Variants in CCNB1IP1 observed in about 807,000 individuals in gnomAD.
CCNB1IP1 encodes the protein E3 ubiquitin-protein ligase CCNB1IP1.
In CCNB1IP1, 14 loss-of-function variants were observed where a neutral mutation model predicts 25.6. The ratio of observed to expected loss-of-function variants is 0.55; its 90% CI spans 0.36 to 0.85. CCNB1IP1 has a LOEUF of 0.85. Ranked by LOEUF, CCNB1IP1 falls within the 40% of genes least tolerant of loss-of-function variation. The pLI is 0.01. For missense variants in CCNB1IP1, 278 were observed against 342.4 expected, an observed-to-expected ratio of 0.81 and a Z score of 1.48; for synonymous variants, 119 against 116.1, an observed-to-expected ratio of 1.02 and a Z score of -0.16.
chr14:20,323,917 C>CAAAAAAA (rs59156707), intron 4 of CCNB1IP1, among the ~76,000 whole-genome samples: 2 of 73,710 alleles, frequency 2.7e-5, no homozygotes, highest in Non-Finnish European at 2.5e-5. Context: ...GACTCCGTCT[C>CAAAAAAA]AAAAAAAAAA....
chr14:20,311,598 T>C lies in CCNB1IP1; in HGVS notation c.786A>G (p.Leu262=), dbSNP rs149452999. 2.0e-5 allele frequency: 32 copies of C among 1,613,992 alleles called. No individual in the cohort carries two copies. In the African/African-American group the frequency reaches 2.3e-4, roughly 11 times the overall value. Residue 262 remains leucine, a synonymous_variant, in exon 7 of 7, where the codon TTA becomes TTG. Transcript: ENST00000358932. ...FFSFVSPSRE[L]EQQQVSSRAF... is the part of the protein sequence containing the mutation. ...CCCTGCTAGAAACTTGCTGCTGCTCTAATTCACGACTTGGAGAGACAAAAC... is the reference window on the plus strand; with the variant it reads ...CCCTGCTAGAAACTTGCTGCTGCTCCAATTCACGACTTGGAGAGACAAAAC...
chr14:20,316,886 G>A (rs1413418329), intron 4 of CCNB1IP1, among the ~76,000 whole-genome samples: 2 of 152,132 alleles, frequency 1.3e-5, no homozygotes, highest in African/African-American at 4.8e-5. Flanking sequence ...GGCAGGCGGG[G>A]TCCCTTCAGG....
At chr14:20,318,247 GCA>G (rs1882781171) in intron 4 of CCNB1IP1, 2 of 152,246 alleles carry the variant, frequency 1.3e-5, no homozygotes, top group South Asian at 4.1e-4. Context: ...GCTGAGGCGG[GCA>G]AATCACCTGA....
intron 5 of CCNB1IP1, among the ~76,000 whole-genome samples, chr14:20,315,046 G>T (rs762226347): frequency 7.4e-6 from 1 of 135,948 alleles, no homozygotes; most frequent in Non-Finnish European, 1.5e-5. Flanking sequence ...AGCTGAGATC[G>T]CGCCACTGCA....
At chr14:20,315,657 C>T (rs1227308013) in intron 5 of CCNB1IP1, 19 of 1,270,922 alleles carry the variant, frequency 1.5e-5, no homozygotes, top group Non-Finnish European at 1.9e-5. Flanking sequence ...GTTAAGGATG[C>T]GTATTTGATA....
chr14:20,318,501 A>G (rs1882791100), intron 4 of CCNB1IP1: 1 of 152,034 alleles, frequency 6.6e-6, no homozygotes, highest in South Asian at 2.1e-4. Context: ...TATTTAATTA[A>G]TTGATAGTAT....
intron 5 of CCNB1IP1, chr14:20,315,814 C>T (rs895554673): frequency 9.7e-6 from 12 of 1,232,096 alleles, no homozygotes; most frequent in Middle Eastern, 2.2e-4. Flanking sequence ...GAGGCTGAGG[C>T]GGGAGAATGG....
At chr14:20,318,131 T>C (rs976517784) in intron 4 of CCNB1IP1, 2 of 152,382 alleles carry the variant, frequency 1.3e-5, no homozygotes, top group Non-Finnish European at 2.9e-5. Context: ...AAGGAAATTA[T>C]AATTTTCCTT....
intron 6 of CCNB1IP1, 57 bp downstream of exon 6, chr14:20,313,411 G>A: frequency 1.5e-6 from 2 of 1,332,844 alleles, no homozygotes; most frequent in South Asian, 1.4e-5. Flanking sequence ...AGTGGGCAGA[G>A]CAGTATAAAA....
At chr14:20,326,536 T>C in intron 3 of CCNB1IP1, 180 bp downstream of exon 3, 2 of 534,578 alleles carry the variant, frequency 3.7e-6, no homozygotes, top group Non-Finnish European at 7.7e-6. Context: ...TGTAAATGAC[T>C]GAGGAAGGGC....
chr14:20,313,637 C>A lies in CCNB1IP1; in HGVS notation c.462G>T (p.Lys154Asn). 3 of 1,614,160 alleles carry A rather than the reference C, an allele frequency of 1.9e-6. No individual in the cohort carries two copies. In the African/African-American group the frequency reaches 4.0e-5, roughly 22 times the overall value. ...TCTCAGAGATGTCACTGAACTTTTT[C>A]TTGTATTCTTCTAGTACTTTCTTCA... is the stretch of plus-strand genomic sequence containing the variant. ...TSMKKVLEEY[K>N]KKFSDISEKL... The change falls in exon 6 of 7, where the codon AAG (lysine) becomes AAT (asparagine). Residue 154 changes from lysine (K) to asparagine (N), a missense_variant. Transcript: ENST00000358932.
At chr14:20,318,363 C>G (rs1254710643) in intron 4 of CCNB1IP1, 1 of 151,918 alleles carries the variant, frequency 6.6e-6, no homozygotes, top group Non-Finnish European at 1.5e-5. Flanking sequence ...ATCCCAGCTA[C>G]TCGGGAGGCT....
Position 20,316,364 on chromosome 14 carries a change from T to G in CCNB1IP1, c.160A>C (p.Thr54Pro). ...SPAICPACNS[T>P]LSGKLDIVRT... ...ACAATATCTAGCTTTCCAGAAAGGGTACTGTTGCAGGCAGGACAGATAGCT... is the reference window on the plus strand; with the variant it reads ...ACAATATCTAGCTTTCCAGAAAGGGGACTGTTGCAGGCAGGACAGATAGCT... The change falls in exon 5 of 7, where the codon ACC (threonine) becomes CCC (proline). Residue 54 changes from threonine to proline, a missense_variant. Transcript: ENST00000358932. The G allele has an allele frequency of 1.9e-6, 3 of 1,613,950 alleles. No homozygotes were observed. Among genetic ancestry groups the G allele is most frequent in the Non-Finnish European group, 2.5e-6 (3 of 1,179,878 alleles).
intron 5 of CCNB1IP1, among the ~76,000 whole-genome samples, chr14:20,315,046 G>C (rs762226347): frequency 1.6e-4 from 22 of 135,950 alleles, no homozygotes; most frequent in Non-Finnish European, 3.1e-4. Context: ...AGCTGAGATC[G>C]CGCCACTGCA....
intron 4 of CCNB1IP1, among the ~76,000 whole-genome samples, chr14:20,322,958 G>A (rs1411029282): frequency 6.6e-6 from 1 of 152,020 alleles, no homozygotes; most frequent in Non-Finnish European, 1.5e-5. Context: ...TGACGTGTGT[G>A]AGCAACCACT....
intron 5 of CCNB1IP1, chr14:20,315,963 AGAG>A (rs1445750939): frequency 1.8e-5 from 7 of 378,386 alleles, no homozygotes; most frequent in East Asian, 1.4e-4. Flanking sequence ...TTTATACAGA[AGAG>A]AGAGAGAGTG....
chr14:20,324,502 G>A (rs774305765), intron 4 of CCNB1IP1, among the ~76,000 whole-genome samples: 16 of 151,996 alleles, frequency 1.1e-4, no homozygotes, highest in Non-Finnish European at 1.6e-4. Context: ...AAGAATTTTC[G>A]TCAATCTATT....
At chr14:20,330,125 A>AAAAAAAAAAAAAAAAC (rs1345596226) in intron 1 of CCNB1IP1, among the ~76,000 whole-genome samples, 33 of 150,914 alleles carry the variant, frequency 2.2e-4, no homozygotes, top group African/African-American at 7.9e-4. Context: ...AAAACAAAAA[A>AAAAAAAAAAAAAAAAC]CATGTCCTTT....
At chr14:20,320,458 C>A in intron 4 of CCNB1IP1, 1 of 349,022 alleles carries the variant, frequency 2.9e-6, no homozygotes, top group South Asian at 2.2e-5. Context: ...ATTTCATTTG[C>A]TTTTAGAATG....
Sources: allele counts gnomAD v4.1 joint callset (sites outside exome capture counted in the v4.1 genomes callset), GRCh38; gene constraint gnomAD v4.1.1; transcripts MANE v1.5; gene names NCBI Gene and HGNC (gene_info 2026-07-23, HGNC 2026-07-21).